UBE4B: variants seen among roughly 807,000 people sequenced by gnomAD.
The protein encoded by UBE4B is ubiquitin conjugation factor E4 B.
Under a neutral mutation model 148.1 loss-of-function variants are expected in UBE4B, and 27 were observed. The observed-to-expected ratio is 0.18, with a 90% CI of 0.13 to 0.25. The LOEUF is 0.25. Ranked by LOEUF, UBE4B falls within the 10% of genes least tolerant of loss-of-function variation. The probability of loss-of-function intolerance (pLI) is 1.00; values close to 1 mark genes in which losing one functional copy is unlikely to be tolerated. For missense variants in UBE4B, 1,170 were observed against 1,662.4 expected (o/e 0.70, Z 5.15); for synonymous variants, 596 against 619.3 (o/e 0.96, Z 0.56).
chr1:10,095,433 C>T (rs1430431483), intron 2 of UBE4B, 28 bp from the exon 3 acceptor site: 1 of 1,612,028 alleles, frequency 6.2e-7, no homozygotes, highest in Non-Finnish European at 8.5e-7. Context: ...TCACATGGGG[C>T]TTCATCCTTC....
intron 4 of UBE4B, among the ~76,000 whole-genome samples, chr1:10,101,977 GT>G (rs1645019974): frequency 5.1e-5 from 5 of 97,532 alleles, no homozygotes; most frequent in African/African-American, 3.0e-4. Flanking sequence ...TGCATTTAGG[GT>G]GTGTGTGTGT....
At chr1:10,086,611 A>G (rs1331317932) in intron 2 of UBE4B, among the ~76,000 whole-genome samples, 2 of 152,216 alleles carry the variant, frequency 1.3e-5, no homozygotes, top group Admixed American at 6.5e-5. Context: ...CAGTGGATCC[A>G]TAGGAATTAC....
At chr1:10,041,078 C>G (rs957988471) in intron 1 of UBE4B, among the ~76,000 whole-genome samples, 5 of 152,114 alleles carry the variant, frequency 3.3e-5, no homozygotes, top group African/African-American at 1.2e-4. Flanking sequence ...AGGCCCTTTC[C>G]TCTCCTTTTG....
At chr1:10,053,887 A>G (rs540934023) in intron 1 of UBE4B, among the ~76,000 whole-genome samples, 7 of 151,982 alleles carry the variant, frequency 4.6e-5, no homozygotes, top group African/African-American at 1.7e-4. Context: ...AGGCCTCGCT[A>G]TGTTGCCCAG....
Position 10,180,025 on chromosome 1 carries a change from A to G in UBE4B, c.*69A>G, listed in dbSNP as rs1305322777. ...CGAGGCAAGCAGAAGCAGCGGCCGCAGCGAAGCTGCCGTTCATGTGTTGGA... is the reference window on the plus strand; with the variant it reads ...CGAGGCAAGCAGAAGCAGCGGCCGCGGCGAAGCTGCCGTTCATGTGTTGGA... On this transcript the variant is annotated 3_prime_UTR_variant, in exon 28 of 28. Transcript: ENST00000343090. The G allele has an allele frequency of 1.9e-6, 3 of 1,600,628 alleles. No homozygotes were observed. The highest frequency in any genetic ancestry group is 2.7e-5 in the African/African-American group (2 of 74,554).
At chr1:10,104,357 TG>T (rs1186470554) in intron 5 of UBE4B, among the ~76,000 whole-genome samples, 2 of 152,140 alleles carry the variant, frequency 1.3e-5, no homozygotes, top group Non-Finnish European at 2.9e-5. Flanking sequence ...AGAAGAGGTA[TG>T]GGAGGTGTGC....
Position 10,122,058 on chromosome 1 carries a change from T to C in UBE4B, c.1536T>C (p.Asp512=). The part of the protein sequence containing the change: ...IQELVRTTHQ[D]EEVFKQIFIP... ...AACTGGTGAGAACCACTCACCAGGA[T>C]GAAGAAGTGTTCAAGCAGGTACGGT... is the stretch of plus-strand genomic sequence containing the variant. Residue 512 remains aspartate (D), a synonymous_variant, in exon 10 of 28, where the codon GAT becomes GAC. Coordinates refer to ENST00000343090, the MANE Select transcript of UBE4B (RefSeq NM_001105562.3). The C allele has an allele frequency of 1.2e-6, 2 of 1,612,894 alleles. No homozygotes were observed. The highest frequency in any genetic ancestry group is 2.2e-5 in the South Asian group (2 of 90,994).
At chr1:10,129,215 G>A (rs1209418930) in intron 11 of UBE4B, 177 bp from the exon 12 acceptor site, 2 of 508,950 alleles carry the variant, frequency 3.9e-6, no homozygotes, top group East Asian at 2.8e-5. Flanking sequence ...CACATTGCAT[G>A]TGTTTTAGTT....
chr1:10,095,362 G>C, intron 2 of UBE4B, 99 bp from the exon 3 acceptor site: 1 of 1,446,570 alleles, frequency 6.9e-7, no homozygotes. Context: ...GCAATGTCAT[G>C]ATGGGTGACT....
intron 25 of UBE4B, among the ~76,000 whole-genome samples, chr1:10,176,971 T>C (rs1372299700): frequency 6.6e-6 from 1 of 150,900 alleles, no homozygotes; most frequent in Non-Finnish European, 1.5e-5. Context: ...GTATTTTTAG[T>C]AGAGACGGGG....
intron 18 of UBE4B, among the ~76,000 whole-genome samples, chr1:10,146,177 C>T (rs1246277819): frequency 6.6e-6 from 1 of 152,190 alleles, no homozygotes; most frequent in African/African-American, 2.4e-5. Flanking sequence ...AATTGCCAGG[C>T]ATGGTGGCTC....
Position 10,129,434 on chromosome 1 carries a change from C to A in UBE4B, c.1681C>A (p.Pro561Thr). The change falls in exon 12 of 28, where the codon CCT (proline) becomes ACT (threonine). Residue 561 changes from proline to threonine, a missense_variant. Physicochemically the swap from Pro to Thr is conservative, Grantham distance 38 (BLOSUM62 -1). Around this residue, in one of 6 missense-constraint regions of UBE4B, gnomAD observed 388 missense variants for 536.0 expected, o/e 0.72. Transcript: ENST00000343090. Reference protein sequence around the residue: ...LCETKFGKTHPVCNLVASLRL... With the variant: ...LCETKFGKTHTVCNLVASLRL... The stretch of plus-strand genomic sequence containing the variant: ...TGAAACCAAGTTTGGGAAGACACAC[C>A]CTGTGTGCAATTTGGTAAGCACTCA... The A allele has an allele frequency of 6.2e-7, 1 of 1,611,842 alleles. No homozygotes were observed. The highest frequency in any genetic ancestry group is 8.5e-7 in the Non-Finnish European group (1 of 1,178,178).
intron 1 of UBE4B, among the ~76,000 whole-genome samples, chr1:10,049,359 C>T (rs1294575934): frequency 1.3e-5 from 2 of 151,722 alleles, no homozygotes; most frequent in South Asian, 2.1e-4. Flanking sequence ...AAAGGGGGTA[C>T]GGTTGATGGG....
intron 9 of UBE4B, among the ~76,000 whole-genome samples, chr1:10,120,093 C>A (rs1303435122): frequency 6.6e-6 from 1 of 152,130 alleles, no homozygotes; most frequent in African/African-American, 2.4e-5. Context: ...ATAAAGGTTG[C>A]AAATTTTTGT....
chr1:10,092,534 T>C (rs1297622661), intron 2 of UBE4B, among the ~76,000 whole-genome samples: 1 of 4,426 alleles, frequency 2.3e-4, no homozygotes, highest in African/African-American at 2.3e-3. Context: ...GACCCATTTC[T>C]TAAAATAAGG....
intron 7 of UBE4B, chr1:10,107,165 TC>T: frequency 7.8e-7 from 1 of 1,286,874 alleles, no homozygotes; most frequent in Non-Finnish European, 1.0e-6. Flanking sequence ...CAAAAGCTTC[TC>T]CCCGTCTTGT....
chr1:10,046,841 G>T (rs547714270), intron 1 of UBE4B, among the ~76,000 whole-genome samples: 2 of 152,148 alleles, frequency 1.3e-5, no homozygotes, highest in Non-Finnish European at 2.9e-5. Flanking sequence ...TGAAAACTTT[G>T]ATTGTAGACC....
At chr1:10,095,733 ATTAAAT>A in intron 3 of UBE4B, 137 bp downstream of exon 3, 1 of 931,238 alleles carries the variant, frequency 1.1e-6, no homozygotes, top group Non-Finnish European at 1.6e-6. Flanking sequence ...TGTCAAATGT[ATTAAAT>A]TTAAAGATTT....
At chr1:10,164,621 T>A (rs914319352) in intron 23 of UBE4B, among the ~76,000 whole-genome samples, 1 of 152,234 alleles carries the variant, frequency 6.6e-6, no homozygotes, top group African/African-American at 2.4e-5. Flanking sequence ...TAATATTGAT[T>A]TTTCCTGTGT....
Sources: allele counts gnomAD v4.1 joint callset (sites outside exome capture counted in the v4.1 genomes callset), GRCh38; gene constraint gnomAD v4.1.1; regional missense constraint gnomAD v4.1.1; transcripts MANE v1.5; gene names NCBI Gene and HGNC (gene_info 2026-07-23, HGNC 2026-07-21).